B4GALT6: variants seen among roughly 807,000 people sequenced by gnomAD.
B4GALT6 encodes the protein beta-1,4-galactosyltransferase 6.
A neutral mutation model predicts 46.3 loss-of-function variants in B4GALT6; 14 were observed. That is an observed-to-expected ratio of 0.30 (90% CI 0.20 to 0.47). The LOEUF (loss-of-function observed/expected upper bound fraction) is 0.47, where lower values mean the gene tolerates loss of function less well. Ranked by LOEUF, B4GALT6 falls within the 20% of genes least tolerant of loss-of-function variation. The pLI is 0.99. For missense variants in B4GALT6, 386 were observed against 480.1 expected (o/e 0.80, Z 1.83); for synonymous variants, 168 against 162.0 (o/e 1.04, Z -0.28).
At chr18:31,650,830 G>A (rs111460992) in intron 3 of B4GALT6, among the ~76,000 whole-genome samples, 1,715 of 152,072 alleles carry the variant, frequency 0.011, 16 homozygotes, top group Admixed American at 0.014. Context: ...GTGCAGTGGC[G>A]CCATCTCGGC....
intron 5 of B4GALT6, 51 bp from the exon 6 acceptor site, chr18:31,631,197 C>CAA: frequency 9.2e-7 from 1 of 1,091,522 alleles, no homozygotes; most frequent in Non-Finnish European, 1.3e-6. Flanking sequence ...CACACTTCAT[C>CAA]ATCTTTTTTT....
intron 6 of B4GALT6, among the ~76,000 whole-genome samples, chr18:31,629,899 C>A (rs1387892607): frequency 6.6e-6 from 1 of 150,494 alleles, no homozygotes; most frequent in Non-Finnish European, 1.5e-5. Flanking sequence ...CCTTGATGGC[C>A]TTCTTCAAGG....
At chr18:31,718,078 C>T in the B4GALT6 span, among the ~76,000 whole-genome samples, 1 of 152,026 alleles carries the variant, frequency 6.6e-6, no homozygotes, top group Admixed American at 6.5e-5. Flanking sequence ...GTTTTAACTA[C>T]TTCAAACAGA....
chr18:31,636,981 C>T (rs1036615384), intron 5 of B4GALT6, among the ~76,000 whole-genome samples: 79 of 152,078 alleles, frequency 5.2e-4, no homozygotes, highest in African/African-American at 1.7e-3. Flanking sequence ...CCACCATGCC[C>T]GGCTAATTTT....
chr18:31,632,325 A>C (rs2073801446), intron 5 of B4GALT6, among the ~76,000 whole-genome samples: 1 of 152,212 alleles, frequency 6.6e-6, no homozygotes, highest in South Asian at 2.1e-4. Flanking sequence ...TTAAATTATA[A>C]TGTTATGACT....
At chr18:31,712,287 A>ACTTTT in the B4GALT6 span, among the ~76,000 whole-genome samples, 640 of 84,634 alleles carry the variant, frequency 7.6e-3, 67 homozygotes, top group African/African-American at 0.03. Flanking sequence ...CTGGGACGTT[A>ACTTTT]TTTTTTTTTT....
intron 2 of B4GALT6, chr18:31,658,300 G>A: frequency 4.4e-6 from 2 of 451,488 alleles, no homozygotes; most frequent in Non-Finnish European, 8.0e-6. Flanking sequence ...CTAGAGAGCA[G>A]CACACCCTTA....
the B4GALT6 span, among the ~76,000 whole-genome samples, chr18:31,703,082 C>T: frequency 6.6e-6 from 1 of 152,018 alleles, no homozygotes; most frequent in Admixed American, 6.6e-5. Context: ...ATGCATTATT[C>T]TTTTGATAAA....
At chr18:31,685,243 G>A (rs867142790), upstream of B4GALT6, among the ~76,000 whole-genome samples, 3 of 150,904 alleles carry the variant, frequency 2.0e-5, no homozygotes, top group African/African-American at 7.3e-5. Flanking sequence ...CGCGCCCGGG[G>A]TGAGGCGCCC....
intron 2 of B4GALT6, among the ~76,000 whole-genome samples, chr18:31,659,920 G>A (rs2074191494): frequency 6.6e-6 from 1 of 151,020 alleles, no homozygotes; most frequent in Admixed American, 6.6e-5. Flanking sequence ...GCAAGTGTAA[G>A]GAAGTCCAAT....
the B4GALT6 span, among the ~76,000 whole-genome samples, chr18:31,723,270 A>G: frequency 1.3e-5 from 2 of 152,192 alleles, no homozygotes; most frequent in South Asian, 4.1e-4. Context: ...AAATCCTCAA[A>G]CAACCCTAAA....
upstream of B4GALT6, among the ~76,000 whole-genome samples, chr18:31,688,512 T>C (rs914920258): frequency 6.6e-6 from 1 of 152,102 alleles, no homozygotes; most frequent in Non-Finnish European, 1.5e-5. Context: ...TTCTGTATTG[T>C]AGTTAAAATT....
intron 2 of B4GALT6, among the ~76,000 whole-genome samples, chr18:31,661,525 A>C (rs1198295187): frequency 1.3e-5 from 2 of 152,030 alleles, no homozygotes; most frequent in Admixed American, 1.3e-4. Flanking sequence ...TTAATTAGCT[A>C]GTGTGCGCTC....
chr18:31,644,579 T>C (rs766245681), intron 4 of B4GALT6, among the ~76,000 whole-genome samples: 4 of 152,240 alleles, frequency 2.6e-5, no homozygotes, highest in Non-Finnish European at 4.4e-5. Context: ...GTAGTTTTCA[T>C]TGGAATTACA....
At chr18:31,692,754 T>C in the B4GALT6 span, among the ~76,000 whole-genome samples, 1 of 152,180 alleles carries the variant, frequency 6.6e-6, no homozygotes, top group African/African-American at 2.4e-5. Flanking sequence ...ATTATTGTTA[T>C]TTGTAGTTTA....
At chr18:31,700,470 A>T in the B4GALT6 span, among the ~76,000 whole-genome samples, 203 of 67,740 alleles carry the variant, frequency 3.0e-3, 1 homozygote, top group South Asian at 0.016. Context: ...TGTGTGTGTG[A>T]GAGAGAGACA....
chr18:31,709,434 C>CATATATATATATATATATATATATATAT, the B4GALT6 span, among the ~76,000 whole-genome samples: 15 of 130,964 alleles, frequency 1.1e-4, no homozygotes, highest in African/African-American at 3.9e-4. Flanking sequence ...GCAATTCATA[C>CATATATATATATATATATATATATATAT]ATATATATAT....
intron 2 of B4GALT6, among the ~76,000 whole-genome samples, chr18:31,660,238 C>T (rs1248326301): frequency 6.6e-6 from 1 of 152,060 alleles, no homozygotes; most frequent in Non-Finnish European, 1.5e-5. Flanking sequence ...CGTGAGCCAC[C>T]ATGCCTGGCC....
the B4GALT6 span, among the ~76,000 whole-genome samples, chr18:31,716,907 C>T: frequency 3.9e-5 from 6 of 152,034 alleles, no homozygotes; most frequent in Non-Finnish European, 7.4e-5. Flanking sequence ...AGAGACCAGC[C>T]CGGCCAACAT....
Sources: allele counts gnomAD v4.1 joint callset (sites outside exome capture counted in the v4.1 genomes callset), GRCh38; gene constraint gnomAD v4.1.1; transcripts MANE v1.5; gene names NCBI Gene and HGNC (gene_info 2026-07-23, HGNC 2026-07-21).